MYOF: variants seen among roughly 807,000 people sequenced by gnomAD.
The protein encoded by MYOF is fer-1-like 3, myoferlin.
In MYOF, 244 loss-of-function variants were observed where a neutral mutation model predicts 284.2. The observed-to-expected ratio is 0.86, with a 90% CI of 0.77 to 0.95. The LOEUF is 0.95. Ranked by LOEUF, MYOF falls within the 40% of genes least tolerant of loss-of-function variation. MYOF has a pLI of 0.00. For missense variants in MYOF, 2,496 were observed against 2,560.6 expected (o/e 0.97, Z 0.54); for synonymous variants, 904 against 919.7 (o/e 0.98, Z 0.31).
chr10:93,452,123 T>C lies in MYOF; in HGVS notation c.163A>G (p.Arg55Gly). 1 of 1,608,212 alleles carries C rather than the reference T, an allele frequency of 6.2e-7. No individual in the cohort carries two copies. Residue 55 changes from arginine to glycine, a missense_variant, in exon 3 of 54, where the codon AGG becomes GGG. Physicochemically the swap from Arg to Gly is moderately radical, Grantham distance 125. Transcript: ENST00000359263. ...VWNEILEFDL[R>G]GIPLDFSSSL... ...GATGAAAAGTCCAGTGGTATACCCC[T>C]CAAGTCAAACTCCAAAATCTGTTCA...
intron 3 of MYOF, among the ~76,000 whole-genome samples, chr10:93,442,050 C>T (rs890643791): frequency 1.8e-5 from 2 of 109,478 alleles, no homozygotes; most frequent in Non-Finnish European, 4.0e-5. Context: ...ACAGAATAAA[C>T]CTTGGAAAGT....
chr10:93,312,232 C>T (rs1234324176), intron 51 of MYOF, among the ~76,000 whole-genome samples: 2 of 152,174 alleles, frequency 1.3e-5, no homozygotes, highest in Non-Finnish European at 2.9e-5. Context: ...CATGGTAACC[C>T]ACACTATTGC....
At chr10:93,454,975 TC>T (rs1394261882) in intron 2 of MYOF, among the ~76,000 whole-genome samples, 1 of 118,488 alleles carries the variant, frequency 8.4e-6, no homozygotes, top group Non-Finnish European at 1.7e-5. Flanking sequence ...CGAGACCCTG[TC>T]TTTTTTTAAT....
chr10:93,394,448 C>CTTTT (rs33970988), intron 16 of MYOF, among the ~76,000 whole-genome samples: 340 of 28,702 alleles, frequency 0.012, 104 homozygotes, highest in East Asian at 0.022. Flanking sequence ...ACCATCTTGT[C>CTTTT]TTTTTTTTTT....
intron 19 of MYOF, among the ~76,000 whole-genome samples, chr10:93,382,045 G>A (rs1002984168): frequency 2.0e-5 from 3 of 151,966 alleles, no homozygotes; most frequent in Non-Finnish European, 2.9e-5. Flanking sequence ...CAAAAAAAGA[G>A]AGTATATTTT....
chr10:93,329,410 C>T (rs1843197928), intron 44 of MYOF, among the ~76,000 whole-genome samples: 1 of 152,222 alleles, frequency 6.6e-6, no homozygotes, highest in East Asian at 1.9e-4. Flanking sequence ...GAACTGGTCT[C>T]TGGGCTGCTA....
At chr10:93,409,073 C>T (rs1847772801) in intron 6 of MYOF, among the ~76,000 whole-genome samples, 158 bp from the exon 7 acceptor site, 1 of 152,126 alleles carries the variant, frequency 6.6e-6, no homozygotes, top group South Asian at 2.1e-4. Context: ...GGTGGAGCCA[C>T]CTAGGGTCAT....
rs1407050145 is a variant in MYOF, at chr10:93,319,877, T to C, written c.5593A>G (p.Lys1865Glu). ...LPAEQLCIVA[K>E]KEHFWSIDQT... The stretch of plus-strand genomic sequence containing the variant: ...CGGCATATTTCAGAGCTCACTTTTT[T>C]CGCAACGATACAGAGTTGTTCGGCT... The change falls in exon 49 of 54, where the codon AAA becomes GAA. Residue 1865 changes from lysine (K) to glutamate (E), a missense_variant. By Grantham distance (56) the Lys-to-Glu change is moderately conservative. Coordinates refer to ENST00000359263, the MANE Select transcript of MYOF (RefSeq NM_013451.4). 6.2e-7 allele frequency: 1 copy of C among 1,614,046 alleles called. No homozygotes were observed.
chr10:93,456,946 G>C lies in MYOF; in HGVS notation c.89-9C>G. ...TGTTTTCTTTTTCTCATCTGCAAAA[G>C]AGATAAAGGAAGAGACAGCAATCAT... On this transcript the variant is annotated splice_polypyrimidine_tract_variant and intron_variant, in intron 1 of 53. Transcript: ENST00000359263. 1.3e-6 allele frequency: 2 copies of C among 1,594,852 alleles called. No homozygotes were observed. Among genetic ancestry groups the C allele is most frequent in the Non-Finnish European group, 1.7e-6 (2 of 1,170,804 alleles).
rs141586480 is a variant in MYOF at position 93,365,889 on chromosome 10, A to T, written c.2753+503T>A. The stretch of plus-strand genomic sequence containing the variant: ...TCATATAACTCAATCCACTGTGTGT[A>T]CAAGTGTCATCTGGCCCTCTTCATG... On this transcript the variant is annotated intron_variant, in intron 26 of 53. Transcript: ENST00000359263. 7.5e-3 allele frequency among the ~76,000 whole-genome samples: 1,146 copies of T among 152,328 alleles called. 54 individuals are homozygous for T. Among genetic ancestry groups the T allele is most frequent in the Admixed American group, 0.064 (984 of 15,292 alleles).
chr10:93,463,931 G>C (rs952741487), intron 1 of MYOF, among the ~76,000 whole-genome samples: 1 of 150,848 alleles, frequency 6.6e-6, no homozygotes, highest in African/African-American at 2.4e-5. Context: ...TGCTACATCT[G>C]TGCCGGTGGT....
chr10:93,322,386 C>T (rs1373127511), intron 48 of MYOF, among the ~76,000 whole-genome samples: 1 of 152,136 alleles, frequency 6.6e-6, no homozygotes, highest in Admixed American at 6.5e-5. Context: ...TCATTATCAC[C>T]ATTTTACAGA....
Position 93,306,764 on chromosome 10 carries a change from A to AGAGAT in MYOF, c.*194_*198dup. On this transcript the variant is annotated 3_prime_UTR_variant, in exon 54 of 54. Transcript: ENST00000359263. ...TAGAAAATAAAACTTTTAATACTTAAGAGATAACATGATGCAAACGTTGCT... is the reference window on the plus strand; with the variant it reads ...TAGAAAATAAAACTTTTAATACTTAAGAGATGAGATAACATGATGCAAACGTTGCT... The AGAGAT allele has an allele frequency of 1.7e-6, 1 of 581,922 alleles. No individual in the cohort carries two copies. Among genetic ancestry groups the AGAGAT allele is most frequent in the Non-Finnish European group, 3.1e-6 (1 of 327,824 alleles). The allele number at this position is 581,922 out of a possible 1,614,324, so 36.0% of individuals were successfully genotyped here. A position where few individuals can be genotyped will look rare whatever the true frequency, so the allele number is the denominator to read the frequency against.
intron 4 of MYOF, among the ~76,000 whole-genome samples, chr10:93,428,892 G>A (rs1262244353): frequency 6.6e-6 from 1 of 152,202 alleles, no homozygotes; most frequent in East Asian, 1.9e-4. Context: ...TGGTTTTCAT[G>A]CTGTGTTCTA....
intron 27 of MYOF, 23 bp from the exon 28 acceptor site, chr10:93,361,580 AAAG>A: frequency 6.2e-7 from 1 of 1,613,090 alleles, no homozygotes; most frequent in Non-Finnish European, 8.5e-7. Context: ...AAATAAAAAC[AAAG>A]AAGAGAGGTA....
At chr10:93,330,758 G>A (rs528789177) in intron 43 of MYOF, among the ~76,000 whole-genome samples, 102 of 152,260 alleles carry the variant, frequency 6.7e-4, no homozygotes, top group Non-Finnish European at 1.2e-3. Context: ...GCTGTGAGAG[G>A]CCTCCTCTCT....
rs770138942 is a variant in MYOF, at chr10:93,328,746, C to T, written c.5131+17G>A. ...CTATACTTTGTACCAGTTTACAATC[C>T]ACAGCTAGGTGCTCACCAAATTCAT... On this transcript the variant is annotated intron_variant, in intron 45 of 53. Transcript: ENST00000359263. 1 of 1,601,484 alleles carries T rather than the reference C, an allele frequency of 6.2e-7. No individual in the cohort carries two copies. The highest frequency in any genetic ancestry group is 8.5e-7 in the Non-Finnish European group (1 of 1,169,776).
chr10:93,333,435 AC>A, intron 42 of MYOF, 123 bp from the exon 43 acceptor site: 1 of 747,742 alleles, frequency 1.3e-6, no homozygotes, highest in Non-Finnish European at 2.2e-6. Context: ...CCGCCATGGC[AC>A]CCCGTGCCTA....
chr10:93,353,021 T>C (rs1241592767), intron 32 of MYOF, among the ~76,000 whole-genome samples: 1 of 152,148 alleles, frequency 6.6e-6, no homozygotes, highest in Non-Finnish European at 1.5e-5. Flanking sequence ...TTTAACAAAC[T>C]TTCCGTTTGG....
Sources: allele counts gnomAD v4.1 joint callset (sites outside exome capture counted in the v4.1 genomes callset), GRCh38; gene constraint gnomAD v4.1.1; transcripts MANE v1.5; gene names NCBI Gene and HGNC (gene_info 2026-07-23, HGNC 2026-07-21).